TSHR: variants seen among roughly 807,000 people sequenced by gnomAD.
TSHR encodes thyroid stimulating hormone receptor.
In TSHR, 51 loss-of-function variants were observed where a neutral mutation model predicts 64.1. That is an observed-to-expected ratio of 0.80 (90% confidence interval 0.64 to 1.01). The LOEUF (loss-of-function observed/expected upper bound fraction) is 1.01. Among genes scored for constraint, TSHR ranks in the 50% least tolerant of loss-of-function variants. The pLI, the probability that TSHR is intolerant of heterozygous loss-of-function variation, is 0.00. For synonymous variants in TSHR, 361 were observed against 361.9 expected, an observed-to-expected ratio of 1.00 and a Z score of 0.03; for missense variants, 877 against 942.8, an observed-to-expected ratio of 0.93 and a Z score of 0.91.
At chr14:81,029,495 AC>A (rs774077054) in intron 1 of TSHR, among the ~76,000 whole-genome samples, 2 of 152,056 alleles carry the variant, frequency 1.3e-5, no homozygotes, top group African/African-American at 2.4e-5. Context: ...CCATATCTGC[AC>A]CCCCAGCAGT....
chr14:80,965,252 C>T (rs179246), intron 1 of TSHR, among the ~76,000 whole-genome samples: 57,147 of 152,094 alleles, frequency 0.38, 12,147 homozygotes, highest in South Asian at 0.59. Flanking sequence ...GGGTGGAGGA[C>T]GCACTTTTGT....
intron 8 of TSHR, among the ~76,000 whole-genome samples, chr14:81,129,327 T>G (rs59395915): frequency 0.35 from 53,255 of 152,012 alleles, 9,894 homozygotes; most frequent in African/African-American, 0.48. Context: ...CCTCACTCTT[T>G]CCTTATGCAG....
chr14:80,998,483 T>C (rs1240390203), intron 1 of TSHR, among the ~76,000 whole-genome samples: 4 of 152,036 alleles, frequency 2.6e-5, no homozygotes, highest in Non-Finnish European at 5.9e-5. Context: ...TGACCTCTTA[T>C]GTAATCACAC....
chr14:81,131,048 T>C (rs1336651905), intron 8 of TSHR, among the ~76,000 whole-genome samples: 1 of 150,320 alleles, frequency 6.7e-6, no homozygotes, highest in Non-Finnish European at 1.5e-5. Context: ...ACCATCTGGA[T>C]GTCTAATAGG....
chr14:81,130,819 G>A (rs1480927029), intron 8 of TSHR, among the ~76,000 whole-genome samples: 1 of 108,294 alleles, frequency 9.2e-6, no homozygotes, highest in Non-Finnish European at 1.7e-5. Context: ...GTGAAACCCC[G>A]TCTCTACTAA....
intron 1 of TSHR, among the ~76,000 whole-genome samples, chr14:81,011,913 G>A (rs1889929014): frequency 6.6e-6 from 1 of 151,918 alleles, no homozygotes; most frequent in South Asian, 2.1e-4. Flanking sequence ...GTTTTTACAA[G>A]GAAAATCTTT....
Position 80,955,807 on chromosome 14 carries a change from G to T in TSHR, c.127G>T (p.Asp43Tyr). The change falls in exon 1 of 10, where the codon GAT becomes TAT. Residue 43 changes from aspartate (D) to tyrosine (Y), a missense_variant. Physicochemically the swap from Asp to Tyr is radical, Grantham distance 160. Coordinates refer to ENST00000298171, the MANE Select transcript of TSHR (RefSeq NM_000369.5). ...QEEDFRVTCK[D>Y]IQRIPSLPPS... Reference sequence around the variant, plus strand: ...GGAGGACTTCAGAGTCACCTGCAAGGATATTCAACGCATCCCCAGCTTACC... The same window carrying T: ...GGAGGACTTCAGAGTCACCTGCAAGTATATTCAACGCATCCCCAGCTTACC... 3.1e-6 allele frequency: 5 copies of T among 1,614,204 alleles called. No homozygotes were observed. The highest frequency in any genetic ancestry group is 4.2e-6 in the Non-Finnish European group (5 of 1,180,032).
chr14:81,136,807 T>C (rs1891474683), intron 8 of TSHR, among the ~76,000 whole-genome samples: 1 of 152,190 alleles, frequency 6.6e-6, no homozygotes, highest in Non-Finnish European at 1.5e-5. Context: ...GGACCTAACT[T>C]AGAGGCCACC....
intron 8 of TSHR, among the ~76,000 whole-genome samples, chr14:81,126,241 G>C (rs1375088234): frequency 6.6e-6 from 1 of 152,182 alleles, no homozygotes; most frequent in East Asian, 1.9e-4. Context: ...CTGCTGGTGG[G>C]AGAGGGATAA....
chr14:81,078,978 G>C (rs1025828573), intron 3 of TSHR: 7 of 152,112 alleles, frequency 4.6e-5, no homozygotes, highest in Admixed American at 2.0e-4. Flanking sequence ...TTAATCTGGG[G>C]TAATTTGTTA....
intron 1 of TSHR, among the ~76,000 whole-genome samples, chr14:81,045,273 A>C (rs896151417): frequency 2.0e-5 from 3 of 152,194 alleles, no homozygotes; most frequent in Non-Finnish European, 4.4e-5. Flanking sequence ...TGCATTAGGG[A>C]GAATTGCCAC....
At chr14:81,115,099 T>A (rs1199252975) in intron 8 of TSHR, among the ~76,000 whole-genome samples, 4 of 151,900 alleles carry the variant, frequency 2.6e-5, no homozygotes, top group African/African-American at 9.7e-5. Context: ...ACAGAAAAAC[T>A]GGAAACTCTA....
chr14:81,109,580 G>C (rs1441708186), intron 8 of TSHR, among the ~76,000 whole-genome samples: 2 of 152,116 alleles, frequency 1.3e-5, no homozygotes, highest in African/African-American at 4.8e-5. Context: ...TTTATAGATA[G>C]CCACTGTCCC....
Position 81,119,663 on chromosome 14 carries a change from G to A in TSHR, c.692+11211G>A, listed in dbSNP as rs956633088. Among the ~76,000 whole-genome samples, 24 of 124,534 alleles carry A rather than the reference G, an allele frequency of 1.9e-4. 1 individual carries two copies. Among genetic ancestry groups the A allele is most frequent in the African/African-American group, 8.1e-4 (23 of 28,260 alleles). 81.7% of individuals were successfully genotyped at this position (124,534 alleles called of 152,430 possible). A position where few individuals can be genotyped will look rare whatever the true frequency, so the allele number is the denominator to read the frequency against. On this transcript the variant is annotated intron_variant, in intron 8 of 9. Transcript: ENST00000298171. ...AGAACTAGAAATACCATTTGACCCA[G>A]CCATCCCATTACTGGGTATATACCC...
At chr14:81,044,865 G>A (rs1290411854) in intron 1 of TSHR, among the ~76,000 whole-genome samples, 1 of 152,124 alleles carries the variant, frequency 6.6e-6, no homozygotes, top group Non-Finnish European at 1.5e-5. Context: ...TGTAGAGGCA[G>A]AAACACTATT....
At chr14:80,976,517 G>A in intron 1 of TSHR, among the ~76,000 whole-genome samples, 1 of 152,172 alleles carries the variant, frequency 6.6e-6, no homozygotes, top group Non-Finnish European at 1.5e-5. Context: ...TTGAGGGCCT[G>A]AACCCATAGT....
chr14:81,131,873 T>C (rs909512632), intron 8 of TSHR, among the ~76,000 whole-genome samples: 1 of 152,208 alleles, frequency 6.6e-6, no homozygotes, highest in Non-Finnish European at 1.5e-5. Flanking sequence ...TACCTTTTTC[T>C]CCACTAGAAT....
intron 1 of TSHR, among the ~76,000 whole-genome samples, chr14:80,997,867 C>T (rs972274688): frequency 6.6e-6 from 1 of 152,098 alleles, no homozygotes; most frequent in Non-Finnish European, 1.5e-5. Flanking sequence ...GAAAAGGCAT[C>T]GGAAGATACT....
chr14:81,132,133 A>G (rs1891274178), intron 8 of TSHR, among the ~76,000 whole-genome samples: 1 of 152,240 alleles, frequency 6.6e-6, no homozygotes, highest in Non-Finnish European at 1.5e-5. Context: ...TTTAAACAGT[A>G]AATTAATCTT....
Sources: gnomAD v4.1 joint callset for allele counts (sites outside exome capture counted in the v4.1 genomes callset) on GRCh38, gnomAD v4.1.1 for gene constraint, MANE v1.5 for transcripts, NCBI Gene and HGNC (gene_info 2026-07-23, HGNC 2026-07-21) for gene names.